The following OPCML variants were observed in gnomAD, a reference collection of about 807,000 sequenced individuals.
The protein encoded by OPCML is opioid-binding protein/cell adhesion molecule.
In OPCML, 13 loss-of-function variants were observed where a neutral mutation model predicts 37.8. That is an observed-to-expected ratio of 0.34 (90% CI 0.22 to 0.55). The LOEUF is 0.55. Among genes scored for constraint, OPCML ranks in the 20% least tolerant of loss-of-function variants. OPCML has a pLI of 0.91. For missense variants in OPCML, 341 were observed against 435.6 expected (o/e 0.78, Z 1.93); for synonymous variants, 176 against 168.8 (o/e 1.04, Z -0.33).
intron 4 of OPCML, among the ~76,000 whole-genome samples, chr11:132,520,001 C>A (rs1386498422): frequency 2.3e-4 from 35 of 152,132 alleles, no homozygotes; most frequent in Non-Finnish European, 1.5e-5. Context: ...CACAGAGGAA[C>A]AACAGGGACC....
At chr11:133,216,937 T>C (rs1400919632) in intron 1 of OPCML, among the ~76,000 whole-genome samples, 1 of 152,222 alleles carries the variant, frequency 6.6e-6, no homozygotes, top group East Asian at 1.9e-4. Context: ...ATTTTACACA[T>C]AAATAATTAT....
intron 1 of OPCML, among the ~76,000 whole-genome samples, chr11:133,337,186 T>C (rs893382114): frequency 1.3e-5 from 2 of 152,214 alleles, no homozygotes; most frequent in Admixed American, 1.3e-4. Context: ...TTCTGTTTCT[T>C]TTCCTAAGGC....
intron 1 of OPCML, among the ~76,000 whole-genome samples, chr11:133,424,480 C>T (rs867925097): frequency 6.6e-6 from 1 of 152,148 alleles, no homozygotes; most frequent in Non-Finnish European, 1.5e-5. Context: ...ATTTTATACA[C>T]TTTTATGTCC....
At chr11:133,197,237 T>G (rs974515215) in intron 1 of OPCML, among the ~76,000 whole-genome samples, 2 of 152,242 alleles carry the variant, frequency 1.3e-5, no homozygotes, top group Non-Finnish European at 2.9e-5. Context: ...AATGGATCCT[T>G]GGAATCTCAT....
At chr11:133,013,760 A>T (rs1414096841) in intron 1 of OPCML, among the ~76,000 whole-genome samples, 1 of 152,130 alleles carries the variant, frequency 6.6e-6, no homozygotes, top group Non-Finnish European at 1.5e-5. Context: ...ATTTATTTGT[A>T]CCTGCTGCAG....
chr11:132,909,520 C>T (rs111956104), intron 2 of OPCML, among the ~76,000 whole-genome samples: 2,271 of 152,310 alleles, frequency 0.015, 61 homozygotes, highest in African/African-American at 0.052. Context: ...GATCACCAGC[C>T]CTTCTACCGC....
chr11:133,344,468 C>T (rs947749047), intron 1 of OPCML, among the ~76,000 whole-genome samples: 39 of 152,104 alleles, frequency 2.6e-4, no homozygotes, highest in African/African-American at 8.5e-4. Context: ...TGGACAAATC[C>T]TGTTGCGTTC....
chr11:132,841,059 A>G (rs1355597098), intron 2 of OPCML, among the ~76,000 whole-genome samples: 1 of 152,182 alleles, frequency 6.6e-6, no homozygotes, highest in Non-Finnish European at 1.5e-5. Flanking sequence ...TACCTATCCC[A>G]TAAGGCTGTT....
intron 3 of OPCML, among the ~76,000 whole-genome samples, chr11:132,592,196 C>G (rs1440418403): frequency 1.3e-5 from 2 of 152,204 alleles, no homozygotes; most frequent in Non-Finnish European, 1.5e-5. Flanking sequence ...TTCCAAAGGT[C>G]TAGGGGGCCA....
chr11:132,937,529 TGTGTGTG>T, intron 2 of OPCML, among the ~76,000 whole-genome samples: 1 of 147,960 alleles, frequency 6.8e-6, no homozygotes, highest in Middle Eastern at 3.4e-3. Flanking sequence ...TGGTGTGTGG[TGTGTGTG>T]GTGTGTGTGT....
intron 4 of OPCML, among the ~76,000 whole-genome samples, chr11:132,523,497 T>C (rs2096299667): frequency 6.9e-6 from 1 of 145,902 alleles, no homozygotes; most frequent in Non-Finnish European, 1.5e-5. Flanking sequence ...TTATGGATTC[T>C]TGCTCAAGAC....
At chr11:132,451,385 G>A (rs1182458722) in intron 4 of OPCML, among the ~76,000 whole-genome samples, 1 of 151,790 alleles carries the variant, frequency 6.6e-6, no homozygotes, top group Admixed American at 6.6e-5. Context: ...GCTGGGGCGG[G>A]GGTGGGGGCG....
intron 7 of OPCML, among the ~76,000 whole-genome samples, chr11:132,424,270 C>A (rs545527158): frequency 2.9e-4 from 44 of 152,148 alleles, no homozygotes; most frequent in African/African-American, 1.1e-3. Context: ...CAGACGCCTG[C>A]CACCATGCCC....
rs190133803 is a variant in OPCML at position 132,418,574 on chromosome 11, T to C, written c.*1619A>G. 152 of 152,778 alleles carry C rather than the reference T, an allele frequency of 9.9e-4. No homozygotes were observed. The highest frequency in any genetic ancestry group is 3.4e-3 in the African/African-American group (142 of 41,596). 9.5% of individuals were successfully genotyped at this position (152,778 alleles called of 1,614,324 possible). A position where few individuals can be genotyped will look rare whatever the true frequency, so the allele number is the denominator to read the frequency against. On this transcript the variant is annotated 3_prime_UTR_variant, in exon 8 of 8. Transcript: ENST00000524381. ...TTGAAAATTAAGTCAGTTGCTCAAG[T>C]GCCCTCAGCTTAGAAGAGCTTCCTG...
chr11:133,521,274 C>A (rs1221673876), intron 1 of OPCML, among the ~76,000 whole-genome samples: 1 of 152,214 alleles, frequency 6.6e-6, no homozygotes, highest in Non-Finnish European at 1.5e-5. Flanking sequence ...TGCCCAAGAT[C>A]ACTTGGCTCA....
At chr11:132,515,973 A>G (rs2096278805) in intron 4 of OPCML, among the ~76,000 whole-genome samples, 1 of 152,164 alleles carries the variant, frequency 6.6e-6, no homozygotes, top group Non-Finnish European at 1.5e-5. Flanking sequence ...GTAAAAATCA[A>G]ATTGTATCTG....
At chr11:133,014,452 AAGATG>A (rs1259408155) in intron 1 of OPCML, among the ~76,000 whole-genome samples, 1 of 152,020 alleles carries the variant, frequency 6.6e-6, no homozygotes, top group Non-Finnish European at 1.5e-5. Context: ...TCTACATCTC[AAGATG>A]ATGTTTCCAC....
At chr11:133,268,982 T>C (rs1292712817) in intron 1 of OPCML, among the ~76,000 whole-genome samples, 3 of 152,190 alleles carry the variant, frequency 2.0e-5, no homozygotes, top group African/African-American at 7.2e-5. Flanking sequence ...TTTTGCACAA[T>C]TCTAGGGGTA....
At chr11:132,660,370 G>A (rs557105728) in intron 2 of OPCML, among the ~76,000 whole-genome samples, 26 of 152,230 alleles carry the variant, frequency 1.7e-4, no homozygotes, top group East Asian at 7.7e-4. Flanking sequence ...CAATGATCTC[G>A]CAGCTGACAA....
Sources: gnomAD v4.1 joint callset for allele counts (sites outside exome capture counted in the v4.1 genomes callset) on GRCh38, gnomAD v4.1.1 for gene constraint, MANE v1.5 for transcripts, NCBI Gene and HGNC (gene_info 2026-07-23, HGNC 2026-07-21) for gene names.